KCNH8: variants seen among roughly 807,000 people sequenced by gnomAD.
KCNH8 encodes the protein voltage-gated delayed rectifier potassium channel KCNH8.
In KCNH8, 70 loss-of-function variants were observed where a neutral mutation model predicts 103.6. The observed-to-expected ratio is 0.68, with a 90% CI of 0.56 to 0.82. The LOEUF (loss-of-function observed/expected upper bound fraction) is 0.82. Ranked by LOEUF, KCNH8 falls within the 40% of genes least tolerant of loss-of-function variation. KCNH8 has a pLI of 0.00. For synonymous variants in KCNH8, 498 were observed against 489.4 expected (o/e 1.02, Z -0.23); for missense variants, 1,217 against 1,329.9 (o/e 0.92, Z 1.32).
intron 8 of KCNH8, among the ~76,000 whole-genome samples, chr3:19,446,867 C>G (rs1314944605): frequency 6.6e-6 from 1 of 151,830 alleles, no homozygotes; most frequent in Admixed American, 6.6e-5. Context: ...AAGAAAAAGC[C>G]AGGCAGTTCT....
chr3:19,518,720 A>G (rs1252835205), intron 15 of KCNH8, among the ~76,000 whole-genome samples: 4 of 152,036 alleles, frequency 2.6e-5, no homozygotes, highest in Non-Finnish European at 5.9e-5. Context: ...AAGATCTCTT[A>G]TACTCATTTT....
chr3:19,496,959 G>A, intron 11 of KCNH8, among the ~76,000 whole-genome samples: 1 of 151,858 alleles, frequency 6.6e-6, no homozygotes, highest in Non-Finnish European at 1.5e-5. Context: ...GGTTCTTCTA[G>A]ATTTTCTAGT....
chr3:19,383,992 C>T (rs2066322468), intron 5 of KCNH8, among the ~76,000 whole-genome samples: 1 of 152,002 alleles, frequency 6.6e-6, no homozygotes, highest in South Asian at 2.1e-4. Context: ...TTTGGAGTCA[C>T]ACATCACTGA....
intron 1 of KCNH8, among the ~76,000 whole-genome samples, chr3:19,171,892 T>C (rs1006035963): frequency 1.3e-5 from 2 of 152,204 alleles, no homozygotes; most frequent in African/African-American, 4.8e-5. Flanking sequence ...TACTTAATTG[T>C]CAAGGATCTT....
chr3:19,524,372 G>C (rs539308701), intron 15 of KCNH8, among the ~76,000 whole-genome samples: 1 of 151,750 alleles, frequency 6.6e-6, no homozygotes, highest in Non-Finnish European at 1.5e-5. Context: ...CAAAACCAAC[G>C]GTTTTTCTTT....
At chr3:19,331,581 G>A (rs1333467962) in intron 3 of KCNH8, among the ~76,000 whole-genome samples, 4 of 152,186 alleles carry the variant, frequency 2.6e-5, no homozygotes, top group South Asian at 2.1e-4. Flanking sequence ...GTGAGCCACC[G>A]TTCCCGGCCA....
chr3:19,512,406 G>A (rs1452715317), intron 12 of KCNH8, among the ~76,000 whole-genome samples: 1 of 152,138 alleles, frequency 6.6e-6, no homozygotes, highest in Non-Finnish European at 1.5e-5. Flanking sequence ...CTAGTGACTG[G>A]AAAGAACAAG....
At chr3:19,229,286 T>A (rs2063966827) in intron 1 of KCNH8, among the ~76,000 whole-genome samples, 1 of 152,214 alleles carries the variant, frequency 6.6e-6, no homozygotes, top group Admixed American at 6.5e-5. Flanking sequence ...TGTGGGGTGC[T>A]CCAACACCAC....
intron 1 of KCNH8, among the ~76,000 whole-genome samples, chr3:19,208,043 T>G (rs2063734353): frequency 6.6e-6 from 1 of 152,038 alleles, no homozygotes; most frequent in African/African-American, 2.4e-5. Flanking sequence ...GATGTTAATT[T>G]CAGTTGAATT....
chr3:19,298,860 T>G (rs1168974876), intron 3 of KCNH8, among the ~76,000 whole-genome samples: 1 of 147,226 alleles, frequency 6.8e-6, no homozygotes, highest in Non-Finnish European at 1.5e-5. Context: ...AGGCGCAGCT[T>G]GCAGTGAGCC....
chr3:19,157,517 T>C (rs1396659770), intron 1 of KCNH8, among the ~76,000 whole-genome samples: 1 of 152,110 alleles, frequency 6.6e-6, no homozygotes, highest in African/African-American at 2.4e-5. Context: ...TGTTTAGCTG[T>C]ACAGTACTCA....
At chr3:19,207,858 G>C (rs1201607486) in intron 1 of KCNH8, among the ~76,000 whole-genome samples, 1 of 151,800 alleles carries the variant, frequency 6.6e-6, no homozygotes, top group Non-Finnish European at 1.5e-5. Flanking sequence ...TATAAAAAGT[G>C]GATATTCAAC....
intron 1 of KCNH8, among the ~76,000 whole-genome samples, chr3:19,197,267 A>G (rs2063611549): frequency 6.6e-6 from 1 of 151,920 alleles, no homozygotes; most frequent in Non-Finnish European, 1.5e-5. Context: ...ATATTATCTC[A>G]CAAGCAACAC....
chr3:19,332,311 A>G (rs191630129), intron 3 of KCNH8, among the ~76,000 whole-genome samples: 38 of 152,306 alleles, frequency 2.5e-4, no homozygotes, highest in South Asian at 2.1e-4. Context: ...CATCTACAAC[A>G]TTTAGAGAAT....
chr3:19,334,361 G>A (rs776902685), intron 3 of KCNH8, among the ~76,000 whole-genome samples: 24 of 152,098 alleles, frequency 1.6e-4, no homozygotes, highest in Non-Finnish European at 2.6e-4. Context: ...AGCTTCAGGA[G>A]GTCGAGGCTA....
At chr3:19,319,646 A>G (rs1260934083) in intron 3 of KCNH8, among the ~76,000 whole-genome samples, 1 of 151,818 alleles carries the variant, frequency 6.6e-6, no homozygotes, top group Admixed American at 6.6e-5. Context: ...TTGGCTAGGC[A>G]GGCTCTTTAC....
chr3:19,357,858 G>C (rs1262696696), intron 5 of KCNH8, among the ~76,000 whole-genome samples: 4 of 151,838 alleles, frequency 2.6e-5, no homozygotes, highest in Non-Finnish European at 1.5e-5. Flanking sequence ...TAAATAAAGG[G>C]ATAAAGCTGA....
chr3:19,381,247 C>T (rs2066284526), intron 5 of KCNH8, among the ~76,000 whole-genome samples: 1 of 151,918 alleles, frequency 6.6e-6, no homozygotes, highest in East Asian at 1.9e-4. Context: ...CATATATGAT[C>T]ATGAACACCT....
At chr3:19,438,432 T>A in intron 8 of KCNH8, 71 bp downstream of exon 8, 1 of 1,248,804 alleles carries the variant, frequency 8.0e-7, no homozygotes, top group Non-Finnish European at 1.1e-6. Context: ...CTGTTTGTTC[T>A]GTCCTGAAAT....
Sources: gnomAD v4.1 joint callset for allele counts (sites outside exome capture counted in the v4.1 genomes callset) on GRCh38, gnomAD v4.1.1 for gene constraint, MANE v1.5 for transcripts, NCBI Gene and HGNC (gene_info 2026-07-23, HGNC 2026-07-21) for gene names.